The following DAZL variants were observed in gnomAD, a reference collection of about 807,000 sequenced individuals.
DAZL encodes deleted in azoospermia-like.
A neutral mutation model predicts 45.0 loss-of-function variants in DAZL; 4 were observed. The observed-to-expected ratio is 0.09, with a 90% confidence interval of 0.04 to 0.20. DAZL has a LOEUF of 0.20. Among genes scored for constraint, DAZL ranks in the 10% least tolerant of loss-of-function variants. The probability of loss-of-function intolerance (pLI) is 1.00; values close to 1 mark genes in which losing one functional copy is unlikely to be tolerated. For missense variants in DAZL, 326 were observed against 351.3 expected (o/e 0.93, Z 0.58); for synonymous variants, 122 against 112.4 (o/e 1.09, Z -0.54).
intron 1 of DAZL, chr3:16,604,839 CGGGGTGGGGCAGTCG>C: frequency 2.1e-6 from 1 of 487,066 alleles, no homozygotes; most frequent in Non-Finnish European, 3.6e-6. Context: ...GGAGTGGGGG[CGGGGTGGGGCAGTCG>C]GGGGTGGGGA....
chr3:16,601,547 A>G (rs754721702), intron 1 of DAZL, among the ~76,000 whole-genome samples: 3 of 152,226 alleles, frequency 2.0e-5, no homozygotes, highest in Non-Finnish European at 4.4e-5. Context: ...TATAATGTAT[A>G]TATAAAAATC....
Position 16,605,325 on chromosome 3 carries a change from A to G in DAZL, c.-120T>C, listed in dbSNP as rs924005854. On this transcript the variant is annotated 5_prime_UTR_variant, in exon 1 of 11. Coordinates refer to ENST00000399444, the MANE Select transcript of DAZL (RefSeq NM_001351.4). ...CCCGCTGCGCGGCTTCGAGTGGTCAAAGGAGCCAAAGATGAAGAGAAAAGG... is the reference window on the plus strand; with the variant it reads ...CCCGCTGCGCGGCTTCGAGTGGTCAGAGGAGCCAAAGATGAAGAGAAAAGG... 13 of 1,222,766 alleles carry G rather than the reference A, an allele frequency of 1.1e-5. No homozygotes were observed. Among genetic ancestry groups the G allele is most frequent in the South Asian group, 4.8e-5 (4 of 83,256 alleles). 75.7% of individuals were successfully genotyped at this position (1,222,766 alleles called of 1,614,324 possible).
At chr3:16,591,439 T>TC (rs1460384705) in intron 10 of DAZL, among the ~76,000 whole-genome samples, 3 of 151,854 alleles carry the variant, frequency 2.0e-5, no homozygotes, top group African/African-American at 7.3e-5. Flanking sequence ...ATGTATTTTT[T>TC]TTTTTTTTGA....
At chr3:16,602,237 T>C (rs547151634) in intron 1 of DAZL, among the ~76,000 whole-genome samples, 32 of 152,108 alleles carry the variant, frequency 2.1e-4, no homozygotes, top group Non-Finnish European at 4.6e-4. Context: ...CCACAGATTA[T>C]AAAACAATGC....
At chr3:16,590,581 A>G (rs1447561029) in intron 10 of DAZL, among the ~76,000 whole-genome samples, 2 of 152,246 alleles carry the variant, frequency 1.3e-5, no homozygotes, top group Non-Finnish European at 2.9e-5. Context: ...TAACTTGTAC[A>G]TGAATGTTCA....
At chr3:16,600,435 ATTCT>A (rs1438435344) in intron 1 of DAZL, among the ~76,000 whole-genome samples, 1 of 152,174 alleles carries the variant, frequency 6.6e-6, no homozygotes, top group East Asian at 1.9e-4. Flanking sequence ...ATAATTCCTA[ATTCT>A]TTCTTTTAAT....
intron 1 of DAZL, chr3:16,604,558 GC>G (rs914233177): frequency 3.5e-6 from 5 of 1,437,916 alleles, no homozygotes; most frequent in Non-Finnish European, 4.5e-6. Context: ...TTCCGGCCCA[GC>G]CCCCTCAGCT....
intron 6 of DAZL, 55 bp from the exon 7 acceptor site, chr3:16,595,440 G>A: frequency 9.7e-7 from 1 of 1,035,880 alleles, no homozygotes; most frequent in Non-Finnish European, 1.4e-6. Flanking sequence ...TTTAAAATTA[G>A]AAATATTATT....
At chr3:16,594,656 C>A in intron 7 of DAZL, 73 bp from the exon 8 acceptor site, 1 of 1,046,302 alleles carries the variant, frequency 9.6e-7, no homozygotes, top group Non-Finnish European at 1.4e-6. Context: ...ACGAGATACA[C>A]AATATTGAAG....
At chr3:16,592,568 T>TG (rs1553610683) in intron 9 of DAZL, among the ~76,000 whole-genome samples, 2 of 78,344 alleles carry the variant, frequency 2.6e-5, no homozygotes, top group African/African-American at 9.4e-5. Flanking sequence ...GACTCTGTCT[T>TG]GGGGAAAAAA....
At chr3:16,596,018 C>T (rs552631076) in intron 6 of DAZL, among the ~76,000 whole-genome samples, 8 of 151,238 alleles carry the variant, frequency 5.3e-5, no homozygotes, top group South Asian at 4.2e-4. Flanking sequence ...TTTTTTCTAG[C>T]CATTGTTCAG....
Position 16,596,833 on chromosome 3 carries a change from A to T in DAZL, c.415T>A (p.Phe139Ile), listed in dbSNP as rs1490088047. Residue 139 changes from phenylalanine (F) to isoleucine (I), a missense_variant, in exon 6 of 11, where the codon TTT becomes ATT. Physicochemically the swap from Phe to Ile is conservative, Grantham distance 21. Coordinates refer to ENST00000399444, the MANE Select transcript of DAZL (RefSeq NM_001351.4). Reference sequence around the variant, plus strand: ...TTTGGATTAGTCCAGACATTCTGAAACTGTGGTGGAGGAGGATGATTAAAA... The same window carrying T: ...TTTGGATTAGTCCAGACATTCTGAATCTGTGGTGGAGGAGGATGATTAAAA... The part of the protein sequence containing the change: ...LVFNHPPPPQ[F>I]QNVWTNPNTE... 6.2e-7 allele frequency: 1 copy of T among 1,613,880 alleles called. No homozygotes were observed.
At chr3:16,603,155 C>T (rs1009956547) in intron 1 of DAZL, among the ~76,000 whole-genome samples, 23 of 152,150 alleles carry the variant, frequency 1.5e-4, no homozygotes, top group African/African-American at 5.3e-4. Context: ...ATTCTTTACA[C>T]CAAGAGTAGC....
At chr3:16,600,641 A>C (rs1476574792) in intron 1 of DAZL, among the ~76,000 whole-genome samples, 1 of 152,210 alleles carries the variant, frequency 6.6e-6, no homozygotes, top group Non-Finnish European at 1.5e-5. Context: ...AGAAATCCCA[A>C]ACAGAATAAA....
chr3:16,588,553 A>C lies in DAZL; in HGVS notation c.*107T>G. 1 of 850,182 alleles carries C rather than the reference A, an allele frequency of 1.2e-6. No homozygotes were observed. Among genetic ancestry groups the C allele is most frequent in the Non-Finnish European group, 2.0e-6 (1 of 488,990 alleles). The allele number at this position is 850,182 out of a possible 1,614,324, so 52.7% of individuals were successfully genotyped here. A position where few individuals can be genotyped will look rare whatever the true frequency, so the allele number is the denominator to read the frequency against. On this transcript the variant is annotated 3_prime_UTR_variant, in exon 11 of 11. Transcript: ENST00000399444. The stretch of plus-strand genomic sequence containing the variant: ...GTCTAATAATACAACTTATACACAA[A>C]GTTTGAGTGTGATTTACCAAAATTC...
Position 16,588,433 on chromosome 3 carries a change from G to T in DAZL, c.*227C>A. 1 of 373,334 alleles carries T rather than the reference G, an allele frequency of 2.7e-6. No homozygotes were observed. The highest frequency in any genetic ancestry group is 5.0e-6 in the Non-Finnish European group (1 of 198,944). 23.1% of individuals were successfully genotyped at this position (373,334 alleles called of 1,614,324 possible). On this transcript the variant is annotated 3_prime_UTR_variant, in exon 11 of 11. Transcript: ENST00000399444. ...TGCAGATAAATCTTAGTTTCTTTCA[G>T]TCTCAATTATTTTTTTACTTTCAAC...
At chr3:16,594,953 G>C (rs1694575332) in intron 7 of DAZL, among the ~76,000 whole-genome samples, 1 of 152,044 alleles carries the variant, frequency 6.6e-6, no homozygotes, top group Non-Finnish European at 1.5e-5. Flanking sequence ...TTTGAATTCT[G>C]TGCTCTAAGA....
intron 1 of DAZL, among the ~76,000 whole-genome samples, chr3:16,600,052 A>C (rs574321705): frequency 1.3e-5 from 2 of 152,316 alleles, no homozygotes; most frequent in South Asian, 4.1e-4. Flanking sequence ...CTTATCTTGA[A>C]GATACTTTTA....
intron 3 of DAZL, 35 bp from the exon 4 acceptor site, chr3:16,597,576 A>G (rs569663997): frequency 7.8e-7 from 1 of 1,287,870 alleles, no homozygotes; most frequent in South Asian, 1.2e-5. Flanking sequence ...TAAAATCACC[A>G]TCATACAGTA....
Sources: allele counts gnomAD v4.1 joint callset (sites outside exome capture counted in the v4.1 genomes callset), GRCh38; gene constraint gnomAD v4.1.1; transcripts MANE v1.5; gene names NCBI Gene and HGNC (gene_info 2026-07-23, HGNC 2026-07-21).